The following USP34 variants were observed in gnomAD, a reference collection of about 807,000 sequenced individuals.
USP34 encodes ubiquitin specific peptidase 34.
USP34 carries 70 observed loss-of-function variants against 460.3 expected under a neutral mutation model. The observed-to-expected ratio is 0.15, with a 90% CI of 0.13 to 0.19. USP34 has a LOEUF of 0.19. Among genes scored for constraint, USP34 ranks in the 10% least tolerant of loss-of-function variants. USP34 has a pLI of 1.00. For missense variants in USP34, 3,985 were observed against 4,236.2 expected (o/e 0.94, Z 1.65); for synonymous variants, 1,647 against 1,405.3 (o/e 1.17, Z -3.85).
At chr2:61,276,369 CCT>C (rs1344913032) in intron 41 of USP34, among the ~76,000 whole-genome samples, 11 of 151,940 alleles carry the variant, frequency 7.2e-5, no homozygotes, top group African/African-American at 2.2e-4. Context: ...TAAATTATTG[CCT>C]CTTAGTCAAT....
At chr2:61,468,098 T>C (rs1404485976) in intron 1 of USP34, among the ~76,000 whole-genome samples, 1 of 152,096 alleles carries the variant, frequency 6.6e-6, no homozygotes, top group Non-Finnish European at 1.5e-5. Flanking sequence ...ATTATCATGC[T>C]CCATCATAGC....
At position 61,470,781 on chromosome 2, in the gene USP34, G is replaced by C; in HGVS notation, c.-89C>G. On this transcript the variant is annotated 5_prime_UTR_variant, in exon 1 of 80. Transcript: ENST00000398571. ...GGGGAGGGGAGAGAGGCGGAGGAGG[G>C]GGCCGGCCGGCCGGCGGGGCGGGGA... 1.7e-6 allele frequency: 2 copies of C among 1,198,132 alleles called. No homozygotes were observed. Among genetic ancestry groups the C allele is most frequent in the East Asian group, 2.9e-5 (1 of 34,980 alleles). The allele number at this position is 1,198,132 out of a possible 1,614,324, so 74.2% of individuals were successfully genotyped here.
intron 75 of USP34, chr2:61,194,142 C>A (rs1686723664): frequency 1.0e-6 from 1 of 985,242 alleles, no homozygotes; most frequent in East Asian, 1.1e-4. Flanking sequence ...ACAGGCAAGT[C>A]AGGTCACTCA....
rs569265778 is a variant in USP34 at position 61,213,339 on chromosome 2, A to T, written c.8682+721T>A. 7.9e-5 allele frequency among the ~76,000 whole-genome samples: 12 copies of T among 152,238 alleles called. No homozygotes were observed. The South Asian group carries it at 2.5e-3, about 32-fold the overall frequency. On this transcript the variant is annotated intron_variant, in intron 68 of 79. Coordinates refer to ENST00000398571, the MANE Select transcript of USP34 (RefSeq NM_014709.4). ...TTCTAATTTTCTCTGACTAGAAATT[A>T]GGTTATTCTTCCCAGGTGTGAGATT...
chr2:61,374,468 C>A (rs1692730056), intron 8 of USP34, among the ~76,000 whole-genome samples: 1 of 152,182 alleles, frequency 6.6e-6, no homozygotes, highest in African/African-American at 2.4e-5. Context: ...CACAGACATG[C>A]ACATAGCAGT....
Position 61,441,337 on chromosome 2 carries a change from T to G in USP34, c.44-20504A>C, listed in dbSNP as rs77659597. Among the ~76,000 whole-genome samples the G allele has an allele frequency of 3.1e-3, 474 of 152,024 alleles. 3 individuals are homozygous for G. Among genetic ancestry groups the G allele is most frequent in the African/African-American group, 0.011 (449 of 41,486 alleles). ...TGGAATTAAAGTCACCCAGGCAGGT[T>G]AAACCTCTTATACTTTCTGCGCCCC... On this transcript the variant is annotated intron_variant, in intron 1 of 79. Transcript: ENST00000398571.
intron 2 of USP34, among the ~76,000 whole-genome samples, chr2:61,417,719 C>CTTTTT (rs201901250): frequency 7.6e-6 from 1 of 130,770 alleles, no homozygotes; most frequent in Non-Finnish European, 1.6e-5. Context: ...ATACTAAAAT[C>CTTTTT]TTTTTTTTTT....
rs1689588378 is a variant in USP34 at position 61,283,257 on chromosome 2, G to A, written c.4886C>T (p.Ser1629Leu). The A allele has an allele frequency of 5.0e-6, 8 of 1,612,346 alleles. No homozygotes were observed. In the African/African-American group the frequency reaches 5.3e-5, roughly 11 times the overall value. ...AGCCCAACTCACCAAGAGCCACATT[G>A]AATAATGTGAAACTAAAGAAAAATT... ...HRSRHEVSHY[S>L]MWLLVSWAHC... The change falls in exon 37 of 80, where the codon TCA becomes TTA. Residue 1629 changes from serine (S) to leucine (L), a missense_variant. By Grantham distance (145) the Ser-to-Leu change is moderately radical. This residue lies in a region of USP34 where 1,114 missense variants were observed against 1,122.5 expected (regional missense o/e 0.99). Coordinates refer to ENST00000398571, the MANE Select transcript of USP34 (RefSeq NM_014709.4).
At chr2:61,376,028 C>G (rs1446745566) in intron 8 of USP34, among the ~76,000 whole-genome samples, 1 of 151,958 alleles carries the variant, frequency 6.6e-6, no homozygotes, top group African/African-American at 2.4e-5. Context: ...TCTACAGAGA[C>G]AGAAAGTAGA....
intron 20 of USP34, among the ~76,000 whole-genome samples, chr2:61,329,293 T>G (rs1181121380): frequency 6.6e-6 from 1 of 152,128 alleles, no homozygotes. Flanking sequence ...CCCAAAGTGT[T>G]GGGATTACAG....
chr2:61,249,360 G>A (rs560675453), intron 48 of USP34, among the ~76,000 whole-genome samples: 20 of 152,368 alleles, frequency 1.3e-4, no homozygotes, highest in African/African-American at 4.6e-4. Context: ...TATACACCAT[G>A]GACATGCTGG....
At chr2:61,293,881 G>A (rs1387503732) in intron 32 of USP34, among the ~76,000 whole-genome samples, 1 of 152,082 alleles carries the variant, frequency 6.6e-6, no homozygotes, top group Non-Finnish European at 1.5e-5. Context: ...CGGGTATGGT[G>A]GCTGGTGCCT....
intron 18 of USP34, among the ~76,000 whole-genome samples, chr2:61,338,825 CTT>C (rs1268282256): frequency 2.6e-5 from 4 of 152,182 alleles, no homozygotes; most frequent in Admixed American, 1.3e-4. Flanking sequence ...CAAAAAAAGA[CTT>C]TTGAGGTATG....
chr2:61,387,429 C>T (rs1693181896), intron 5 of USP34, among the ~76,000 whole-genome samples: 1 of 151,658 alleles, frequency 6.6e-6, no homozygotes, highest in East Asian at 1.9e-4. Flanking sequence ...CGCACCACTG[C>T]ACTACATCCT....
At chr2:61,398,822 T>C (rs1479351979) in intron 3 of USP34, among the ~76,000 whole-genome samples, 1 of 152,162 alleles carries the variant, frequency 6.6e-6, no homozygotes, top group East Asian at 1.9e-4. Context: ...AAACAAAAAA[T>C]GTCCTTAGAG....
chr2:61,316,860 T>A (rs956356431), intron 23 of USP34, among the ~76,000 whole-genome samples: 3 of 152,172 alleles, frequency 2.0e-5, no homozygotes, highest in African/African-American at 7.2e-5. Context: ...CACTCTGGCC[T>A]GGGTGACAGA....
chr2:61,350,472 G>A, intron 11 of USP34, 83 bp from the exon 12 acceptor site: 1 of 1,562,588 alleles, frequency 6.4e-7, no homozygotes, highest in Non-Finnish European at 8.6e-7. Flanking sequence ...AAACTGAAAT[G>A]CCAAGACAAT....
At chr2:61,282,228 T>G (rs1467074571) in intron 37 of USP34, among the ~76,000 whole-genome samples, 1 of 152,184 alleles carries the variant, frequency 6.6e-6, no homozygotes, top group Non-Finnish European at 1.5e-5. Context: ...TGACCTCATG[T>G]GATCCACCCA....
At chr2:61,417,171 G>A (rs1028601516) in intron 2 of USP34, 32 of 1,577,462 alleles carry the variant, frequency 2.0e-5, no homozygotes, top group Non-Finnish European at 2.8e-5. Context: ...GCTTTCCAAA[G>A]GCACCTCACA....
Sources: gnomAD v4.1 joint callset for allele counts (sites outside exome capture counted in the v4.1 genomes callset) on GRCh38, gnomAD v4.1.1 for gene constraint, gnomAD v4.1.1 regional missense constraint, MANE v1.5 for transcripts, NCBI Gene and HGNC (gene_info 2026-07-23, HGNC 2026-07-21) for gene names.